The following ABCB9 variants were observed in gnomAD, a reference collection of about 807,000 sequenced individuals.
ABCB9 encodes the protein ATP binding cassette subfamily B member 9.
ABCB9 carries 36 observed loss-of-function variants against 62.0 expected under a neutral mutation model. That is an observed-to-expected ratio of 0.58 (90% CI 0.45 to 0.77). The LOEUF (loss-of-function observed/expected upper bound fraction) is 0.77. Ranked by LOEUF, ABCB9 falls within the 30% of genes least tolerant of loss-of-function variation. The pLI is 0.00. For synonymous variants in ABCB9, 435 were observed against 461.4 expected (o/e 0.94, Z 0.73); for missense variants, 943 against 1,054.7 (o/e 0.89, Z 1.47).
chr12:122,975,057 C>T, exon 1 of ABCB9: 2 of 466,930 alleles, frequency 4.3e-6, no homozygotes. Context: ...GGAGGCGGAA[C>T]GAGGAGGCCG....
chr12:122,926,302 T>A (rs2034904052), downstream of ABCB9, among the ~76,000 whole-genome samples: 1 of 152,200 alleles, frequency 6.6e-6, no homozygotes, highest in African/African-American at 2.4e-5. Context: ...CTCAGCACTT[T>A]GGGAGGCCGA....
upstream of ABCB9, among the ~76,000 whole-genome samples, chr12:122,967,866 G>C (rs2037219890): frequency 6.6e-6 from 1 of 152,140 alleles, no homozygotes; most frequent in Admixed American, 6.5e-5. Flanking sequence ...TCTTTAGAGG[G>C]GAATTTGTTC....
chr12:122,965,960 A>G (rs577247812), intron 1 of ABCB9, among the ~76,000 whole-genome samples: 252 of 152,374 alleles, frequency 1.7e-3, no homozygotes, highest in African/African-American at 5.8e-3. Flanking sequence ...GGGAGCCCTC[A>G]GAAGGCGCGC....
intron 2 of ABCB9, among the ~76,000 whole-genome samples, chr12:122,951,257 T>A (rs966520793): frequency 6.7e-6 from 1 of 149,362 alleles, no homozygotes; most frequent in African/African-American, 2.5e-5. Flanking sequence ...TTTTTTTTTT[T>A]AACTTTTTGA....
chr12:122,946,567 A>C, intron 5 of ABCB9: 1 of 311,390 alleles, frequency 3.2e-6, no homozygotes, highest in Non-Finnish European at 6.2e-6. Context: ...TCAACACCTG[A>C]CCCTGTGCTG....
At position 122,930,500 on chromosome 12, in the gene ABCB9, TG is replaced by T. The variant is rs1476349232; in HGVS notation, c.2041-330del. Among the ~76,000 whole-genome samples, 1 of 150,424 alleles carries T rather than the reference TG, an allele frequency of 6.6e-6. No homozygotes were observed. The highest frequency in any genetic ancestry group is 2.5e-5 in the African/African-American group (1 of 40,772). The stretch of plus-strand genomic sequence containing the variant: ...TCAGCTCACTGCAACCTCTGCCTCG[TG>T]GGTTCAATCGAGTCTCACGCCTCAG... On this transcript the variant is annotated intron_variant, in intron 11 of 11. Coordinates refer to ENST00000280560, the MANE Select transcript of ABCB9 (RefSeq NM_019625.4). This position sits in a 1 kb window ranked among gnomAD's most constrained non-coding sequence, Gnocchi z 4.9.
chr12:122,958,566 T>C (rs1012040921), intron 2 of ABCB9, among the ~76,000 whole-genome samples: 6 of 152,164 alleles, frequency 3.9e-5, no homozygotes, highest in East Asian at 3.9e-4. Context: ...CAGCCAGGCA[T>C]TGTGGCTTGC....
At chr12:122,925,253 C>T (rs2034863836), downstream of ABCB9, among the ~76,000 whole-genome samples, 1 of 152,080 alleles carries the variant, frequency 6.6e-6, no homozygotes, top group South Asian at 2.1e-4. Flanking sequence ...AAAAACAAAA[C>T]CAGAAAATAA....
intron 10 of ABCB9, among the ~76,000 whole-genome samples, chr12:122,934,542 G>T (rs1040513132): frequency 1.3e-5 from 2 of 151,724 alleles, no homozygotes; most frequent in African/African-American, 4.8e-5. Context: ...AATAAAAAGT[G>T]GGGTGGAAGG....
downstream of ABCB9, among the ~76,000 whole-genome samples, chr12:122,926,886 C>A (rs1165458267): frequency 6.6e-6 from 1 of 152,134 alleles, no homozygotes; most frequent in Non-Finnish European, 1.5e-5. Flanking sequence ...GGCAATAGAG[C>A]AAGAACCTGT....
chr12:122,974,353 A>G (rs755250480), intron 1 of ABCB9, among the ~76,000 whole-genome samples: 2 of 152,102 alleles, frequency 1.3e-5, no homozygotes, highest in Non-Finnish European at 2.9e-5. Flanking sequence ...CCCAAATCCC[A>G]CATACTTCCA....
At chr12:122,962,825 T>G (rs1024183295) in intron 1 of ABCB9, among the ~76,000 whole-genome samples, 10 of 152,176 alleles carry the variant, frequency 6.6e-5, no homozygotes, top group Non-Finnish European at 1.5e-4. Flanking sequence ...CTTTGTGAGA[T>G]GTGCACTGTC....
chr12:122,969,770 C>T (rs1168975603), upstream of ABCB9, among the ~76,000 whole-genome samples: 1 of 151,762 alleles, frequency 6.6e-6, no homozygotes, highest in Non-Finnish European at 1.5e-5. Context: ...ACACTCCATG[C>T]CATATGCCAT....
intron 6 of ABCB9, among the ~76,000 whole-genome samples, chr12:122,945,703 C>A (rs1373167234): frequency 6.6e-6 from 1 of 152,064 alleles, no homozygotes; most frequent in Non-Finnish European, 1.5e-5. Context: ...GATAGTGAAA[C>A]CCCGTCTCTA....
At chr12:122,973,604 A>AAAAAAC (rs1262329211) in intron 1 of ABCB9, among the ~76,000 whole-genome samples, 78 of 142,500 alleles carry the variant, frequency 5.5e-4, no homozygotes, top group African/African-American at 1.3e-3. Context: ...AAAAAAAAAA[A>AAAAAAC]AAAAACAAAA....
rs150700015 is a variant in ABCB9 at position 122,954,866 on chromosome 12, T to C, written c.602-4301A>G. ...TTTCCCAATGGGTGGTTTTTTGTTT[T>C]TTGTTTTTGTTTGTTTGTTTTAAGA... On this transcript the variant is annotated intron_variant, in intron 2 of 11. Transcript: ENST00000280560. Among the ~76,000 whole-genome samples, 17 of 152,310 alleles carry C rather than the reference T, an allele frequency of 1.1e-4. No individual in the cohort carries two copies. The East Asian group carries it at 3.3e-3, about 29-fold the overall frequency.
intron 2 of ABCB9, among the ~76,000 whole-genome samples, chr12:122,958,323 AATTCCAGAACAT>A (rs1397628474): frequency 6.6e-6 from 1 of 152,200 alleles, no homozygotes; most frequent in African/African-American, 2.4e-5. Context: ...TGGTTGGAAA[AATTCCAGAACAT>A]ATTGTTAAGT....
At chr12:122,952,328 C>T (rs1008542725) in intron 2 of ABCB9, 27 of 152,278 alleles carry the variant, frequency 1.8e-4, no homozygotes, top group African/African-American at 6.0e-4. Context: ...ATCCCAGGAC[C>T]TGTTTCCACT....
chr12:122,932,299 C>T lies in ABCB9; in HGVS notation c.1933G>A (p.Gly645Ser). Reference sequence around the variant, plus strand: ...ATGGCCACCCGCTGCTTCTGGCCACCTGACAGCTGGGCGCCCTTCTCCCCT... The same window carrying T: ...ATGGCCACCCGCTGCTTCTGGCCACTTGACAGCTGGGCGCCCTTCTCCCCT... ...ETGEKGAQLS[G>S]GQKQRVAMAR... The change falls in exon 11 of 12, where the codon GGT becomes AGT. Residue 645 changes from glycine (G) to serine (S), a missense_variant. Transcript: ENST00000280560. This position sits in a 1 kb window ranked among gnomAD's most constrained non-coding sequence, Gnocchi z 4.7. 5.2e-6 allele frequency: 8 copies of T among 1,551,312 alleles called. No individual in the cohort carries two copies. The highest frequency in any genetic ancestry group is 7.0e-6 in the Non-Finnish European group (8 of 1,147,054).
Sources: allele counts gnomAD v4.1 joint callset (sites outside exome capture counted in the v4.1 genomes callset), GRCh38; gene constraint gnomAD v4.1.1; non-coding constraint Gnocchi (gnomAD v3.1); transcripts MANE v1.5; gene names NCBI Gene and HGNC (gene_info 2026-07-23, HGNC 2026-07-21).